The following CSNK1A1 variants were observed in gnomAD, a reference collection of about 807,000 sequenced individuals.
The protein encoded by CSNK1A1 is casein kinase 1 alpha 1.
In CSNK1A1, 7 loss-of-function variants were observed where a neutral mutation model predicts 46.1. The ratio of observed to expected loss-of-function variants is 0.15; its 90% confidence interval spans 0.09 to 0.29. The LOEUF (loss-of-function observed/expected upper bound fraction) is 0.29. CSNK1A1 is among the 10% of genes least tolerant of loss of function. The pLI, the probability that CSNK1A1 is intolerant of heterozygous loss-of-function variation, is 1.00. For missense variants in CSNK1A1, 96 were observed against 417.1 expected (o/e 0.23, Z 6.71); for synonymous variants, 137 against 141.5 (o/e 0.97, Z 0.23).
At chr5:149,544,290 C>T (rs890884427) in intron 2 of CSNK1A1, among the ~76,000 whole-genome samples, 1 of 152,060 alleles carries the variant, frequency 6.6e-6, no homozygotes, top group Admixed American at 6.6e-5. Flanking sequence ...CTGTAGATGA[C>T]CCAGTCAATA....
At chr5:149,519,399 C>T (rs1761497700) in intron 4 of CSNK1A1, among the ~76,000 whole-genome samples, 1 of 152,112 alleles carries the variant, frequency 6.6e-6, no homozygotes, top group Non-Finnish European at 1.5e-5. Flanking sequence ...CCAAGTTGTC[C>T]TGAAGTTGAG....
chr5:149,526,944 T>C (rs1295567924), intron 2 of CSNK1A1, among the ~76,000 whole-genome samples: 1 of 152,234 alleles, frequency 6.6e-6, no homozygotes, highest in African/African-American at 2.4e-5. Context: ...TTTGCTTCAG[T>C]TGTTCTTGAG....
At chr5:149,511,933 A>G (rs1380536046) in intron 5 of CSNK1A1, 61 bp from the exon 6 acceptor site, 1 of 1,275,478 alleles carries the variant, frequency 7.8e-7, no homozygotes, top group Non-Finnish European at 1.1e-6. Context: ...CATATGAAAG[A>G]AAGTCAAGTA....
At chr5:149,521,576 C>T (rs1761572616) in intron 3 of CSNK1A1, among the ~76,000 whole-genome samples, 1 of 151,566 alleles carries the variant, frequency 6.6e-6, no homozygotes, top group Admixed American at 6.6e-5. Context: ...TGTGAACCAC[C>T]ATGCCCGGCC....
At chr5:149,549,995 C>T (rs780079871) in intron 2 of CSNK1A1, 80 bp downstream of exon 2, 4 of 1,511,826 alleles carry the variant, frequency 2.6e-6, no homozygotes, top group Non-Finnish European at 3.6e-6. Context: ...CCGGATTCAG[C>T]TGGTCTCATT....
intron 2 of CSNK1A1, among the ~76,000 whole-genome samples, chr5:149,538,169 T>C (rs958390955): frequency 3.9e-5 from 6 of 151,912 alleles, no homozygotes; most frequent in Admixed American, 2.0e-4. Flanking sequence ...ATTACAGGCA[T>C]GTGCCACCAC....
intron 2 of CSNK1A1, chr5:149,549,268 C>T: frequency 1.9e-6 from 1 of 526,496 alleles, no homozygotes; most frequent in African/African-American, 1.9e-5. Flanking sequence ...ACTGCCTTTG[C>T]CACTACCTAT....
At chr5:149,546,869 A>T (rs2113204107) in intron 2 of CSNK1A1, among the ~76,000 whole-genome samples, 1 of 152,348 alleles carries the variant, frequency 6.6e-6, no homozygotes, top group Admixed American at 6.5e-5. Context: ...TAGGTGATAC[A>T]GAAATAGTGG....
intron 3 of CSNK1A1, among the ~76,000 whole-genome samples, chr5:149,522,361 T>G (rs2113119920): frequency 6.6e-6 from 1 of 152,346 alleles, no homozygotes; most frequent in East Asian, 1.9e-4. Flanking sequence ...TCCTCCTGCT[T>G]CTGCCTCCCA....
At chr5:149,501,667 C>T in intron 9 of CSNK1A1, 1 of 985,322 alleles carries the variant, frequency 1.0e-6, no homozygotes, top group Non-Finnish European at 1.2e-6. Flanking sequence ...GATGAGAGTA[C>T]AGAATAGTAG....
rs74889226 is a variant in CSNK1A1 at position 149,532,208 on chromosome 5, T to C, written c.231-7037A>G. Among the ~76,000 whole-genome samples, 122 of 152,246 alleles carry C rather than the reference T, an allele frequency of 8.0e-4. 2 individuals carry two copies. The highest frequency in any genetic ancestry group is 2.7e-3 in the African/African-American group (113 of 41,546). ...ACTCTGCTTATTAATGCATTAAATA[T>C]AGGAGCAGGTCTAATAAATGCTATA... On this transcript the variant is annotated intron_variant, in intron 2 of 9. Coordinates refer to ENST00000377843, the MANE Select transcript of CSNK1A1 (RefSeq NM_001892.6).
chr5:149,504,126 T>C, intron 9 of CSNK1A1: 1 of 985,454 alleles, frequency 1.0e-6, no homozygotes, highest in Non-Finnish European at 1.2e-6. Flanking sequence ...CCAACTGAGA[T>C]GCAGAGGCAG....
At chr5:149,546,729 C>A (rs1302040090) in intron 2 of CSNK1A1, among the ~76,000 whole-genome samples, 3 of 151,888 alleles carry the variant, frequency 2.0e-5, no homozygotes, top group African/African-American at 7.3e-5. Context: ...GCAGCAAAAT[C>A]TAAATTTTTT....
chr5:149,543,302 G>A (rs1303066617), intron 2 of CSNK1A1, among the ~76,000 whole-genome samples: 2 of 152,100 alleles, frequency 1.3e-5, no homozygotes, highest in East Asian at 1.9e-4. Context: ...AGATTCAACA[G>A]TCTAATTTGT....
At position 149,494,527 on chromosome 5, in the gene CSNK1A1, A is replaced by G. The variant is rs1174110325; in HGVS notation, c.*2326T>C. 2.6e-5 allele frequency: 4 copies of G among 152,206 alleles called. No homozygotes were observed. The highest frequency in any genetic ancestry group is 5.9e-5 in the Non-Finnish European group (4 of 68,030). 9.4% of individuals were successfully genotyped at this position (152,206 alleles called of 1,614,324 possible). On this transcript the variant is annotated 3_prime_UTR_variant, in exon 10 of 10. Transcript: ENST00000377843. ...GAGCCTTAAGTGGTGAGGTCTTCCA[A>G]TTTCAGAGTGATGTGTCTTCAACTT... is the stretch of plus-strand genomic sequence containing the variant.
At chr5:149,523,103 C>T (rs941687610) in intron 3 of CSNK1A1, among the ~76,000 whole-genome samples, 1 of 146,032 alleles carries the variant, frequency 6.8e-6, no homozygotes, top group East Asian at 2.1e-4. Context: ...TGCAGTGGTG[C>T]GATCTCGGCT....
At chr5:149,516,916 G>A (rs1359260602) in intron 4 of CSNK1A1, among the ~76,000 whole-genome samples, 2 of 152,160 alleles carry the variant, frequency 1.3e-5, no homozygotes, top group African/African-American at 4.8e-5. Context: ...CATGTTTTTT[G>A]TTTTTTGATT....
intron 2 of CSNK1A1, among the ~76,000 whole-genome samples, chr5:149,528,305 G>C (rs189691346): frequency 2.6e-5 from 4 of 152,272 alleles, no homozygotes; most frequent in Admixed American, 2.0e-4. Context: ...TTACCTTGTG[G>C]AGCAACCATG....
rs144524451 is a variant in CSNK1A1 at position 149,504,880 on chromosome 5, A to C, written c.1006+567T>G. 1,061 of 985,450 alleles carry C rather than the reference A, an allele frequency of 1.1e-3. 12 individuals are homozygous for C. The African/African-American group carries it at 0.017, about 16-fold the overall frequency. 61.0% of individuals were successfully genotyped at this position (985,450 alleles called of 1,614,324 possible). ...CTTTGCATTTATTTGAGCATTTAAG[A>C]GAGAAAATGAGATGCTCTGCAACTG... On this transcript the variant is annotated intron_variant, in intron 9 of 9. Transcript: ENST00000377843.
Sources: allele counts gnomAD v4.1 joint callset (sites outside exome capture counted in the v4.1 genomes callset), GRCh38; gene constraint gnomAD v4.1.1; transcripts MANE v1.5; gene names NCBI Gene and HGNC (gene_info 2026-07-23, HGNC 2026-07-21).